Variants in PCP4 observed in about 807,000 individuals in gnomAD.
PCP4 encodes calmodulin regulator protein PCP4.
In PCP4, 8 loss-of-function variants were observed where a neutral mutation model predicts 10.0. That is an observed-to-expected ratio of 0.80 (90% CI 0.47 to 1.45). PCP4 has a LOEUF of 1.45. PCP4 is among the 40% of genes most tolerant of loss of function. The pLI is 0.00. For missense variants in PCP4, 54 were observed against 74.4 expected (o/e 0.73, Z 1.01); for synonymous variants, 21 against 23.0 (o/e 0.91, Z 0.24).
chr21:39,873,607 G>A (rs2087330896), intron 1 of PCP4, among the ~76,000 whole-genome samples: 1 of 152,028 alleles, frequency 6.6e-6, no homozygotes, highest in Non-Finnish European at 1.5e-5. Context: ...TCATCCCCAG[G>A]GATGAACTAT....
intron 2 of PCP4, among the ~76,000 whole-genome samples, chr21:39,928,155 A>G (rs1315595103): frequency 6.6e-6 from 1 of 152,164 alleles, no homozygotes; most frequent in African/African-American, 2.4e-5. Flanking sequence ...AGCAGCATAC[A>G]CTATACACTC....
At chr21:39,867,863 A>C (rs2032897144) in intron 1 of PCP4, among the ~76,000 whole-genome samples, 1 of 152,056 alleles carries the variant, frequency 6.6e-6, no homozygotes. Flanking sequence ...TACCTTTCAG[A>C]ATGTGAGTGG....
intron 1 of PCP4, among the ~76,000 whole-genome samples, chr21:39,880,462 T>C (rs566595125): frequency 6.7e-6 from 1 of 149,312 alleles, no homozygotes; most frequent in African/African-American, 2.6e-5. Context: ...TGCGTGTGTG[T>C]GAGTGTGTGT....
intron 1 of PCP4, among the ~76,000 whole-genome samples, chr21:39,875,707 T>C (rs2087342183): frequency 6.6e-6 from 1 of 152,216 alleles, no homozygotes; most frequent in African/African-American, 2.4e-5. Context: ...TGGAATAGTG[T>C]CCACAATGAC....
intron 2 of PCP4, among the ~76,000 whole-genome samples, chr21:39,918,044 C>T (rs375295467): frequency 5.3e-5 from 8 of 152,220 alleles, no homozygotes; most frequent in African/African-American, 1.7e-4. Flanking sequence ...TCTGCCAACA[C>T]GTTAATCTTG....
chr21:39,891,746 TA>T (rs781659537), intron 1 of PCP4, among the ~76,000 whole-genome samples: 5 of 152,146 alleles, frequency 3.3e-5, no homozygotes, highest in East Asian at 1.9e-4. Flanking sequence ...GATTACAGGA[TA>T]GGGGGCCCTT....
intron 1 of PCP4, among the ~76,000 whole-genome samples, chr21:39,867,827 G>A (rs1408931655): frequency 1.3e-5 from 2 of 152,200 alleles, no homozygotes; most frequent in African/African-American, 4.8e-5. Flanking sequence ...ACGAAGATGC[G>A]TGTCTTTGCA....
chr21:39,869,300 C>T (rs1250521112), intron 1 of PCP4, among the ~76,000 whole-genome samples: 1 of 152,204 alleles, frequency 6.6e-6, no homozygotes, highest in African/African-American at 2.4e-5. Context: ...CTGTGCGGGT[C>T]TCCAGGGAGA....
At chr21:39,905,276 G>GTGAC (rs2087501514) in intron 2 of PCP4, among the ~76,000 whole-genome samples, 1 of 151,832 alleles carries the variant, frequency 6.6e-6, no homozygotes, top group Admixed American at 6.6e-5. Flanking sequence ...CAAAACAAAA[G>GTGAC]TGACTGATGC....
chr21:39,916,223 C>T (rs963638297), intron 2 of PCP4: 1 of 152,210 alleles, frequency 6.6e-6, no homozygotes, highest in Non-Finnish European at 1.5e-5. Context: ...TTTTCATTTA[C>T]CCACTTTCCT....
intron 1 of PCP4, among the ~76,000 whole-genome samples, chr21:39,888,700 G>T (rs993311489): frequency 2.0e-5 from 3 of 152,134 alleles, no homozygotes; most frequent in Admixed American, 6.5e-5. Flanking sequence ...TTCTCTGCCC[G>T]GCCCTCCAGG....
chr21:39,898,408 A>T (rs1601180388), intron 1 of PCP4, 68 bp from the exon 2 acceptor site: 1 of 1,260,040 alleles, frequency 7.9e-7, no homozygotes, highest in Non-Finnish European at 1.2e-6. Flanking sequence ...TGCAACAATA[A>T]AAGAGACAAA....
rs1186038102 is a variant in PCP4 at position 39,906,836 on chromosome 21, C to T, written c.61+8309C>T. Among the ~76,000 whole-genome samples the T allele has an allele frequency of 6.6e-6, 1 of 152,182 alleles. No homozygotes were observed. Among genetic ancestry groups the T allele is most frequent in the Non-Finnish European group, 1.5e-5 (1 of 68,038 alleles). ...ACCAGGAAAATGTGCATCCCTCTAG[C>T]CTTTGGAAACCTGCCCCAAGCAGGA... is the stretch of plus-strand genomic sequence containing the variant. On this transcript the variant is annotated intron_variant, in intron 2 of 2. Coordinates refer to ENST00000328619, the MANE Select transcript of PCP4 (RefSeq NM_006198.3). This position sits in a 1 kb window ranked among gnomAD's most constrained non-coding sequence, Gnocchi z 6.3.
intron 1 of PCP4, among the ~76,000 whole-genome samples, chr21:39,893,572 A>G (rs954874944): frequency 1.3e-5 from 2 of 152,248 alleles, no homozygotes; most frequent in African/African-American, 2.4e-5. Flanking sequence ...TGGCCCCTCC[A>G]GAGAGTCCCA....
chr21:39,890,141 C>T (rs914921455), intron 1 of PCP4, among the ~76,000 whole-genome samples: 5 of 152,194 alleles, frequency 3.3e-5, no homozygotes, highest in African/African-American at 1.2e-4. Flanking sequence ...AGAAGTCCTT[C>T]AGGCCCAGGC....
chr21:39,871,781 G>C (rs1402575994), intron 1 of PCP4, among the ~76,000 whole-genome samples: 1 of 152,140 alleles, frequency 6.6e-6, no homozygotes, highest in African/African-American at 2.4e-5. Flanking sequence ...TGCATTCTAT[G>C]AAGAAATGCT....
At chr21:39,884,788 C>A (rs180800520) in intron 1 of PCP4, among the ~76,000 whole-genome samples, 26 of 143,522 alleles carry the variant, frequency 1.8e-4, no homozygotes, top group African/African-American at 6.2e-4. Context: ...ACAGAGGAGA[C>A]TCCGTCTTAA....
In PCP4 at chr21:39,929,127, C is replaced by G. The variant is rs1214461016; in HGVS notation, c.*16C>G. On this transcript the variant is annotated 3_prime_UTR_variant, in exon 3 of 3. Coordinates refer to ENST00000328619, the MANE Select transcript of PCP4 (RefSeq NM_006198.3). ...TCAGTCCTAGTGGGAGAACCCCCTC[C>G]TAGTCCACCTGAAAACACCAAATTC... 2 of 1,603,074 alleles carry G rather than the reference C, an allele frequency of 1.2e-6. No homozygotes were observed. Among genetic ancestry groups the G allele is most frequent in the Admixed American group, 3.4e-5 (2 of 58,172 alleles).
intron 1 of PCP4, among the ~76,000 whole-genome samples, chr21:39,870,745 C>T (rs115583046): frequency 0.01 from 1,536 of 152,248 alleles, 22 homozygotes; most frequent in African/African-American, 0.035. Context: ...GGGTTGGAGA[C>T]GTTCCAGGTC....
Sources: allele counts gnomAD v4.1 joint callset (sites outside exome capture counted in the v4.1 genomes callset), GRCh38; gene constraint gnomAD v4.1.1; non-coding constraint Gnocchi (gnomAD v3.1); transcripts MANE v1.5; gene names NCBI Gene and HGNC (gene_info 2026-07-23, HGNC 2026-07-21).